The following PRKAG2 variants were observed in gnomAD, a reference collection of about 807,000 sequenced individuals.
PRKAG2 encodes 5'-AMP-activated protein kinase subunit gamma-2.
In PRKAG2, 26 loss-of-function variants were observed where a neutral mutation model predicts 69.6. That is an observed-to-expected ratio of 0.37 (90% CI 0.27 to 0.52). PRKAG2 has a LOEUF of 0.52. PRKAG2 is among the 20% of genes least tolerant of loss of function. PRKAG2 has a pLI of 0.90. For synonymous variants in PRKAG2, 293 were observed against 285.0 expected (o/e 1.03, Z -0.28); for missense variants, 557 against 740.0 (o/e 0.75, Z 2.87).
intron 4 of PRKAG2, among the ~76,000 whole-genome samples, chr7:151,646,297 T>C (rs1469577200): frequency 6.6e-6 from 1 of 152,226 alleles, no homozygotes; most frequent in East Asian, 1.9e-4. Context: ...CAGTATTAAG[T>C]GTTCCAATCC....
At chr7:151,768,238 A>G (rs2075840063) in intron 3 of PRKAG2, among the ~76,000 whole-genome samples, 1 of 152,134 alleles carries the variant, frequency 6.6e-6, no homozygotes. Flanking sequence ...TACTCTGTGG[A>G]GAGCTAAACT....
chr7:151,627,166 G>C (rs1428528883), intron 5 of PRKAG2, among the ~76,000 whole-genome samples: 1 of 152,184 alleles, frequency 6.6e-6, no homozygotes, highest in Admixed American at 6.5e-5. Flanking sequence ...AGCCCGGAGA[G>C]GCCTCACGGG....
intron 1 of PRKAG2, among the ~76,000 whole-genome samples, chr7:151,826,484 A>G (rs1283791506): frequency 6.6e-6 from 1 of 152,160 alleles, no homozygotes; most frequent in African/African-American, 2.4e-5. Context: ...CGCCTGGCTC[A>G]GTTCCATTAA....
At chr7:151,568,657 A>T in intron 11 of PRKAG2, 59 bp downstream of exon 11, 2 of 1,579,238 alleles carry the variant, frequency 1.3e-6, no homozygotes, top group East Asian at 2.3e-5. Context: ...ATTTACTTGA[A>T]GTACATTATT....
intron 4 of PRKAG2, among the ~76,000 whole-genome samples, chr7:151,645,192 T>C (rs1157556595): frequency 6.6e-6 from 1 of 152,208 alleles, no homozygotes; most frequent in African/African-American, 2.4e-5. Context: ...GGGACACCAC[T>C]TCCATTATTA....
intron 13 of PRKAG2, among the ~76,000 whole-genome samples, chr7:151,564,906 C>T (rs1213995448): frequency 1.3e-5 from 2 of 152,076 alleles, no homozygotes; most frequent in Admixed American, 1.3e-4. Context: ...ATGGCGTGCA[C>T]ATTTGGGGCT....
chr7:151,749,104 T>C (rs1350187295), intron 3 of PRKAG2, among the ~76,000 whole-genome samples: 1 of 152,202 alleles, frequency 6.6e-6, no homozygotes, highest in African/African-American at 2.4e-5. Context: ...CTGTGCTCAC[T>C]GCAAAGCAGA....
intron 1 of PRKAG2, among the ~76,000 whole-genome samples, chr7:151,846,397 G>A (rs2151891895): frequency 6.6e-6 from 1 of 152,286 alleles, no homozygotes; most frequent in East Asian, 1.9e-4. Flanking sequence ...GAAACCGGTA[G>A]GCAGAGGTTG....
intron 3 of PRKAG2, among the ~76,000 whole-genome samples, chr7:151,741,835 G>A (rs142280299): frequency 9.5e-4 from 145 of 152,344 alleles, no homozygotes; most frequent in African/African-American, 3.3e-3. Flanking sequence ...TCTAGTAAGC[G>A]TGCAGGGCAG....
intron 3 of PRKAG2, among the ~76,000 whole-genome samples, chr7:151,749,156 C>T (rs960065221): frequency 2.0e-5 from 3 of 150,784 alleles, no homozygotes; most frequent in Non-Finnish European, 4.4e-5. Flanking sequence ...ACCATCCATC[C>T]AAAGATCAAA....
chr7:151,575,065 T>C (rs1584994841), intron 7 of PRKAG2, 116 bp from the exon 8 acceptor site: 2 of 1,391,646 alleles, frequency 1.4e-6, no homozygotes, highest in African/African-American at 1.4e-5. Context: ...ACTTCGAAGA[T>C]ATCAAGCAGA....
intron 5 of PRKAG2, among the ~76,000 whole-genome samples, chr7:151,611,160 G>A (rs569398234): frequency 6.6e-6 from 1 of 152,166 alleles, no homozygotes; most frequent in African/African-American, 2.4e-5. Context: ...GAAGAGATGC[G>A]TGCAGGGTGG....
intron 3 of PRKAG2, among the ~76,000 whole-genome samples, chr7:151,678,019 C>G (rs76336597): frequency 6.6e-5 from 10 of 152,274 alleles, no homozygotes; most frequent in Admixed American, 5.9e-4. Flanking sequence ...GCGTCACCTA[C>G]AGAGCCACAG....
chr7:151,627,210 T>A (rs1402472418), intron 5 of PRKAG2, among the ~76,000 whole-genome samples: 1 of 152,138 alleles, frequency 6.6e-6, no homozygotes, highest in Middle Eastern at 3.2e-3. Context: ...TCATCACAGA[T>A]CTGGGCCTGA....
At chr7:151,626,370 G>A (rs1239606534) in intron 5 of PRKAG2, among the ~76,000 whole-genome samples, 1 of 152,184 alleles carries the variant, frequency 6.6e-6, no homozygotes, top group African/African-American at 2.4e-5. Context: ...AGACCCTACA[G>A]AATAGGGCAA....
At chr7:151,592,067 T>G (rs1813304124) in intron 6 of PRKAG2, among the ~76,000 whole-genome samples, 1 of 152,020 alleles carries the variant, frequency 6.6e-6, no homozygotes, top group Non-Finnish European at 1.5e-5. Context: ...CCCAGGCCTG[T>G]GAAGTACATG....
intron 1 of PRKAG2, among the ~76,000 whole-genome samples, chr7:151,868,828 C>T (rs1033119936): frequency 2.0e-5 from 3 of 152,268 alleles, no homozygotes; most frequent in Middle Eastern, 3.4e-3. Flanking sequence ...CCAAAATCAG[C>T]TCTTATAGGA....
intron 1 of PRKAG2, chr7:151,806,561 G>T: frequency 5.8e-6 from 1 of 173,490 alleles, no homozygotes; most frequent in Non-Finnish European, 1.2e-5. Context: ...CTGGTACCAG[G>T]AGTGAGTGAC....
chr7:151,708,528 C>T (rs7785974), intron 3 of PRKAG2, among the ~76,000 whole-genome samples: 1 of 152,096 alleles, frequency 6.6e-6, no homozygotes, highest in South Asian at 2.1e-4. Context: ...GCATTTGTAA[C>T]GAAGGATTTT....
Sources: gnomAD v4.1 joint callset for allele counts (sites outside exome capture counted in the v4.1 genomes callset) on GRCh38, gnomAD v4.1.1 for gene constraint, MANE v1.5 for transcripts, NCBI Gene and HGNC (gene_info 2026-07-23, HGNC 2026-07-21) for gene names.